Variants in MYO3B observed in about 807,000 individuals in gnomAD.
MYO3B encodes the protein myosin IIIB.
Under a neutral mutation model 174.6 loss-of-function variants are expected in MYO3B, and 156 were observed. The observed-to-expected ratio is 0.89, with a 90% confidence interval of 0.78 to 1.02. The LOEUF (loss-of-function observed/expected upper bound fraction) is 1.02. Among genes scored for constraint, MYO3B ranks in the 50% least tolerant of loss-of-function variants. The probability of loss-of-function intolerance (pLI) is 0.00; values close to 1 mark genes in which losing one functional copy is unlikely to be tolerated. For synonymous variants in MYO3B, 563 were observed against 569.1 expected (o/e 0.99, Z 0.15); for missense variants, 1,632 against 1,639.4 (o/e 1.00, Z 0.08).
At chr2:170,328,447 C>T (rs183762236) in intron 7 of MYO3B, among the ~76,000 whole-genome samples, 2 of 152,274 alleles carry the variant, frequency 1.3e-5, no homozygotes, top group African/African-American at 4.8e-5. Flanking sequence ...TCCTCCTTGG[C>T]TGTAGCTCTG....
intron 32 of MYO3B, chr2:170,602,206 T>G (rs1694554512): frequency 2.5e-6 from 3 of 1,206,656 alleles, no homozygotes; most frequent in Non-Finnish European, 3.6e-6. Flanking sequence ...GCCTCTCGGC[T>G]TCTTAGGGTC....
At chr2:170,471,678 CCTTGGATT>C (rs1242084289) in intron 25 of MYO3B, among the ~76,000 whole-genome samples, 1 of 152,078 alleles carries the variant, frequency 6.6e-6, no homozygotes, top group African/African-American at 2.4e-5. Flanking sequence ...ATTGAATTGT[CCTTGGATT>C]CTTGTTGAAA....
chr2:170,289,923 T>G (rs2093584536), intron 7 of MYO3B, among the ~76,000 whole-genome samples: 2 of 152,132 alleles, frequency 1.3e-5, no homozygotes, highest in Admixed American at 1.3e-4. Context: ...TTCAAGAAAT[T>G]TTAAAATTTC....
At chr2:170,212,118 C>T (rs2092776752) in intron 3 of MYO3B, among the ~76,000 whole-genome samples, 1 of 152,020 alleles carries the variant, frequency 6.6e-6, no homozygotes, top group Admixed American at 6.6e-5. Context: ...TGGCGCATAC[C>T]TGTAATCCCA....
At chr2:170,649,299 A>T (rs1205930022) in intron 32 of MYO3B, among the ~76,000 whole-genome samples, 3 of 46,684 alleles carry the variant, frequency 6.4e-5, no homozygotes, top group East Asian at 5.1e-4. Context: ...TTATATATAA[A>T]ATAATATATA....
chr2:170,311,037 G>A (rs1209540002), intron 7 of MYO3B, among the ~76,000 whole-genome samples: 1 of 152,108 alleles, frequency 6.6e-6, no homozygotes, highest in Non-Finnish European at 1.5e-5. Flanking sequence ...TTGGTTTACG[G>A]GGCTGTTTCC....
intron 25 of MYO3B, among the ~76,000 whole-genome samples, chr2:170,478,889 T>TATACAC (rs1458510554): frequency 2.2e-5 from 3 of 137,300 alleles, no homozygotes; most frequent in Non-Finnish European, 4.6e-5. Flanking sequence ...AGGTTTTACA[T>TATACAC]ACACACACAC....
intron 32 of MYO3B, among the ~76,000 whole-genome samples, chr2:170,547,814 T>C (rs1257599349): frequency 6.6e-6 from 1 of 151,938 alleles, no homozygotes; most frequent in African/African-American, 2.4e-5. Flanking sequence ...GACAAGTAAG[T>C]CAATTATGTG....
chr2:170,344,605 A>G (rs899727540), intron 8 of MYO3B: 9 of 152,210 alleles, frequency 5.9e-5, no homozygotes, highest in Admixed American at 4.6e-4. Context: ...ACTGGGCAGC[A>G]GTGGACTACT....
intron 25 of MYO3B, among the ~76,000 whole-genome samples, chr2:170,494,959 G>A (rs1177855001): frequency 1.3e-5 from 2 of 152,000 alleles, no homozygotes; most frequent in African/African-American, 4.8e-5. Flanking sequence ...GGAAAGTTAG[G>A]TACAGAGAGG....
chr2:170,300,326 T>A lies in MYO3B; in HGVS notation c.750-35059T>A, dbSNP rs60653647. 4.8e-3 allele frequency among the ~76,000 whole-genome samples: 731 copies of A among 152,366 alleles called. 6 individuals carry two copies. The highest frequency in any genetic ancestry group is 0.039 in the East Asian group (200 of 5,190). Reference sequence around the variant, plus strand: ...GAGCTATGTTCTGGATAGTGCAAGTTCATATGCTTGTGTGTTTAGAGGACT... The same window carrying A: ...GAGCTATGTTCTGGATAGTGCAAGTACATATGCTTGTGTGTTTAGAGGACT... On this transcript the variant is annotated intron_variant, in intron 7 of 34. Coordinates refer to ENST00000408978, the MANE Select transcript of MYO3B (RefSeq NM_138995.5).
intron 32 of MYO3B, among the ~76,000 whole-genome samples, chr2:170,561,326 C>T (rs1559117039): frequency 6.6e-6 from 1 of 152,228 alleles, no homozygotes; most frequent in Non-Finnish European, 1.5e-5. Context: ...GAGGATTGAA[C>T]ATATACTGCA....
At chr2:170,571,744 G>T (rs1692452364) in intron 32 of MYO3B, among the ~76,000 whole-genome samples, 1 of 152,126 alleles carries the variant, frequency 6.6e-6, no homozygotes, top group Admixed American at 6.5e-5. Flanking sequence ...GGAGTATATA[G>T]GGCTTGATGA....
At chr2:170,358,407 G>A (rs2094138234) in intron 8 of MYO3B, among the ~76,000 whole-genome samples, 1 of 152,138 alleles carries the variant, frequency 6.6e-6, no homozygotes, top group South Asian at 2.1e-4. Flanking sequence ...TAGATTAGTG[G>A]TTGCCTGGGA....
rs181873043 is a variant in MYO3B at position 170,282,892 on chromosome 2, A to T, written c.749+46756A>T. 1.5e-3 allele frequency among the ~76,000 whole-genome samples: 223 copies of T among 152,222 alleles called. 1 individual carries two copies. Among genetic ancestry groups the T allele is most frequent in the African/African-American group, 5.3e-3 (219 of 41,524 alleles). On this transcript the variant is annotated intron_variant, in intron 7 of 34. Transcript: ENST00000408978. ...AGGTTTGAGGCTCTGAGGAGTACAT[A>T]CTTTGGCTCCCCTTTCCCCAGCATG...
intron 22 of MYO3B, among the ~76,000 whole-genome samples, chr2:170,441,260 C>A (rs1188679588): frequency 6.6e-6 from 1 of 152,194 alleles, no homozygotes; most frequent in Non-Finnish European, 1.5e-5. Flanking sequence ...CCTTTCATTT[C>A]TTTTCCTTAT....
intron 23 of MYO3B, among the ~76,000 whole-genome samples, chr2:170,461,530 C>T (rs2105953867): frequency 6.7e-6 from 1 of 148,618 alleles, no homozygotes; most frequent in Admixed American, 6.7e-5. Flanking sequence ...AATCCTAGCA[C>T]TTTGGGAGGC....
intron 25 of MYO3B, among the ~76,000 whole-genome samples, chr2:170,497,245 A>T (rs1559056958): frequency 8.7e-6 from 1 of 115,340 alleles, no homozygotes; most frequent in Non-Finnish European, 1.8e-5. Context: ...TCAGTTAATT[A>T]CCATTAGGGT....
chr2:170,474,980 G>A (rs1348958473), intron 25 of MYO3B, among the ~76,000 whole-genome samples: 3 of 151,990 alleles, frequency 2.0e-5, no homozygotes, highest in Non-Finnish European at 1.5e-5. Context: ...AGTTACTATC[G>A]TTTTCACTTA....
Sources: allele counts gnomAD v4.1 joint callset (sites outside exome capture counted in the v4.1 genomes callset), GRCh38; gene constraint gnomAD v4.1.1; transcripts MANE v1.5; gene names NCBI Gene and HGNC (gene_info 2026-07-23, HGNC 2026-07-21).